Variants in L2HGDH observed in about 807,000 individuals in gnomAD.
L2HGDH encodes L-2-hydroxyglutarate dehydrogenase, mitochondrial.
L2HGDH carries 34 observed loss-of-function variants against 51.5 expected under a neutral mutation model. That is an observed-to-expected ratio of 0.66 (90% CI 0.50 to 0.88). The LOEUF is 0.88. Among genes scored for constraint, L2HGDH ranks in the 40% least tolerant of loss-of-function variants. L2HGDH has a pLI of 0.00. For synonymous variants in L2HGDH, 198 were observed against 197.9 expected (o/e 1.00, Z -0.01); for missense variants, 558 against 571.9 (o/e 0.98, Z 0.25).
intron 3 of L2HGDH, among the ~76,000 whole-genome samples, chr14:50,298,420 A>T (rs192598045): frequency 3.3e-5 from 5 of 151,920 alleles, no homozygotes; most frequent in African/African-American, 1.2e-4. Context: ...GGTTCTAGCA[A>T]CTAACCTGCC....
At chr14:50,255,578 C>T (rs1375248336) in intron 9 of L2HGDH, among the ~76,000 whole-genome samples, 1 of 150,996 alleles carries the variant, frequency 6.6e-6, no homozygotes, top group African/African-American at 2.4e-5. Context: ...AAGAAAATCT[C>T]AGGTAACATA....
intron 4 of L2HGDH, among the ~76,000 whole-genome samples, chr14:50,290,474 G>T (rs1890811939): frequency 6.6e-6 from 1 of 152,136 alleles, no homozygotes; most frequent in Non-Finnish European, 1.5e-5. Context: ...GTAGCTATCT[G>T]CTATTTAGAT....
chr14:50,281,857 G>C (rs1367454212), intron 5 of L2HGDH, among the ~76,000 whole-genome samples: 1 of 151,980 alleles, frequency 6.6e-6, no homozygotes, highest in Non-Finnish European at 1.5e-5. Context: ...TTGTGTGTGT[G>C]TGTGACGGAG....
chr14:50,276,513 G>A (rs1308975453), intron 6 of L2HGDH, among the ~76,000 whole-genome samples: 10 of 150,818 alleles, frequency 6.6e-5, no homozygotes, highest in Admixed American at 5.9e-4. Context: ...AATGTGAACT[G>A]TATATGGAAA....
intron 9 of L2HGDH, among the ~76,000 whole-genome samples, chr14:50,256,258 T>TA (rs1273315635): frequency 6.6e-6 from 1 of 152,120 alleles, no homozygotes; most frequent in Non-Finnish European, 1.5e-5. Flanking sequence ...CTCATGCCTA[T>TA]AATCCCAATG....
chr14:50,262,109 G>A (rs1310177370), intron 9 of L2HGDH, among the ~76,000 whole-genome samples: 1 of 152,150 alleles, frequency 6.6e-6, no homozygotes, highest in Non-Finnish European at 1.5e-5. Context: ...AAGGAGACAA[G>A]GCAGGACTTA....
Position 50,244,500 on chromosome 14 carries a change from A to T in L2HGDH, c.*2558T>A. 1 of 985,436 alleles carries T rather than the reference A, an allele frequency of 1.0e-6. No individual in the cohort carries two copies. The highest frequency in any genetic ancestry group is 1.2e-6 in the Non-Finnish European group (1 of 829,930). 61.0% of individuals were successfully genotyped at this position (985,436 alleles called of 1,614,324 possible). On this transcript the variant is annotated 3_prime_UTR_variant, in exon 10 of 10. Coordinates refer to ENST00000267436, the MANE Select transcript of L2HGDH (RefSeq NM_024884.3). Reference sequence around the variant, plus strand: ...TGATAATATTTTCCATCTCTTAGTAATCTTGTAATGGAACAGAAAAATATC... The same window carrying T: ...TGATAATATTTTCCATCTCTTAGTATTCTTGTAATGGAACAGAAAAATATC...
At chr14:50,302,702 A>T (rs937312905) in intron 2 of L2HGDH, among the ~76,000 whole-genome samples, 200 bp downstream of exon 2, 1 of 152,116 alleles carries the variant, frequency 6.6e-6, no homozygotes, top group East Asian at 1.9e-4. Context: ...TCTCAAATAA[A>T]TAACCTATAG....
chr14:50,269,969 CTG>C (rs1360616440), intron 6 of L2HGDH, among the ~76,000 whole-genome samples: 3 of 152,224 alleles, frequency 2.0e-5, no homozygotes, highest in Non-Finnish European at 4.4e-5. Flanking sequence ...AAGGCAAACT[CTG>C]TATTGCAACC....
intron 9 of L2HGDH, among the ~76,000 whole-genome samples, chr14:50,254,169 T>C (rs1888520809): frequency 6.6e-6 from 1 of 152,120 alleles, no homozygotes; most frequent in Admixed American, 6.6e-5. Flanking sequence ...TTTGATTGTA[T>C]ATTTAAAAAT....
Position 50,298,651 on chromosome 14 carries a change from A to T in L2HGDH, c.408+3366T>A, listed in dbSNP as rs368336217. On this transcript the variant is annotated intron_variant, in intron 3 of 9. Transcript: ENST00000267436. ...CTGCAGTGATCTGTGAGATAGTGCC[A>T]CTATATTCCAGCCTGGGTGAGACAG... Among the ~76,000 whole-genome samples the T allele has an allele frequency of 1.6e-4, 25 of 152,316 alleles. 1 individual carries two copies. The East Asian group carries it at 4.8e-3, about 29-fold the overall frequency.
At chr14:50,274,116 T>A (rs1889839614) in intron 6 of L2HGDH, among the ~76,000 whole-genome samples, 2 of 145,562 alleles carry the variant, frequency 1.4e-5, no homozygotes, top group South Asian at 4.4e-4. Flanking sequence ...AATAAATAAA[T>A]AAAAATGGGC....
At chr14:50,291,208 AAAAAAAAAAAAAAAAAC>A (rs1318270348) in intron 4 of L2HGDH, among the ~76,000 whole-genome samples, 2 of 141,124 alleles carry the variant, frequency 1.4e-5, no homozygotes, top group Non-Finnish European at 3.1e-5. Context: ...AAAAAAAAAA[AAAAAAAAAAAAAAAAAC>A]AAACAAAAAA....
intron 9 of L2HGDH, among the ~76,000 whole-genome samples, chr14:50,260,683 A>G (rs1330967302): frequency 1.3e-5 from 2 of 152,102 alleles, no homozygotes; most frequent in Non-Finnish European, 2.9e-5. Flanking sequence ...ACTATTTTGT[A>G]GTGTGAAGGT....
At chr14:50,274,676 T>A (rs1404971705) in intron 6 of L2HGDH, among the ~76,000 whole-genome samples, 2 of 152,218 alleles carry the variant, frequency 1.3e-5, no homozygotes, top group Non-Finnish European at 2.9e-5. Flanking sequence ...ATTTTCATGT[T>A]CATTGCAGCA....
At chr14:50,294,382 A>G (rs1340069148) in intron 3 of L2HGDH, 136 bp from the exon 4 acceptor site, 2 of 793,586 alleles carry the variant, frequency 2.5e-6, no homozygotes, top group Non-Finnish European at 3.9e-6. Context: ...TTTTCTTCAC[A>G]TATCTAATTC....
intron 1 of L2HGDH, among the ~76,000 whole-genome samples, chr14:50,304,061 G>A (rs559008203): frequency 6.6e-6 from 1 of 152,296 alleles, no homozygotes; most frequent in East Asian, 1.9e-4. Context: ...AAACCTAGAT[G>A]ATATAGCTTA....
chr14:50,293,369 A>T, intron 4 of L2HGDH: 2 of 639,720 alleles, frequency 3.1e-6, no homozygotes, highest in East Asian at 2.8e-5. Flanking sequence ...CTAAATGTGA[A>T]ATGTAAAACA....
intron 5 of L2HGDH, among the ~76,000 whole-genome samples, chr14:50,281,171 T>G (rs968898312): frequency 6.6e-6 from 1 of 152,190 alleles, no homozygotes; most frequent in East Asian, 1.9e-4. Flanking sequence ...CAGAATGGTA[T>G]GTGTTCCTTA....
Sources: allele counts gnomAD v4.1 joint callset (sites outside exome capture counted in the v4.1 genomes callset), GRCh38; gene constraint gnomAD v4.1.1; transcripts MANE v1.5; gene names NCBI Gene and HGNC (gene_info 2026-07-23, HGNC 2026-07-21).